IKZF1: variants seen among roughly 807,000 people sequenced by gnomAD.
The protein encoded by IKZF1 is IKAROS family zinc finger 1.
In IKZF1, 10 loss-of-function variants were observed where a neutral mutation model predicts 51.7. The ratio of observed to expected loss-of-function variants is 0.19; its 90% CI spans 0.12 to 0.33. The LOEUF (loss-of-function observed/expected upper bound fraction) is 0.33, where lower values mean the gene tolerates loss of function less well. Ranked by LOEUF, IKZF1 falls within the 10% of genes least tolerant of loss-of-function variation. The pLI is 1.00. For synonymous variants in IKZF1, 280 were observed against 282.3 expected, an observed-to-expected ratio of 0.99 and a Z score of 0.08; for missense variants, 484 against 707.5, an observed-to-expected ratio of 0.68 and a Z score of 3.58.
At position 50,347,958 on chromosome 7, in the gene IKZF1, C is replaced by T. The variant is rs141853522; in HGVS notation, c.160+20201C>T. Among the ~76,000 whole-genome samples, 9 of 152,272 alleles carry T rather than the reference C, an allele frequency of 5.9e-5. No individual in the cohort carries two copies. In the East Asian group the frequency reaches 1.2e-3, roughly 20 times the overall value. On this transcript the variant is annotated intron_variant, in intron 3 of 7. Coordinates refer to ENST00000331340, the MANE Select transcript of IKZF1 (RefSeq NM_006060.6). ...CAGATGGACACCCATCCCATTTCCCCGACTCATACCAGGGAGGCCCACTTT... is the reference window on the plus strand; with the variant it reads ...CAGATGGACACCCATCCCATTTCCCTGACTCATACCAGGGAGGCCCACTTT...
chr7:50,365,398 A>G (rs1457461094), intron 3 of IKZF1, among the ~76,000 whole-genome samples: 4 of 152,258 alleles, frequency 2.6e-5, no homozygotes, highest in Non-Finnish European at 4.4e-5. Flanking sequence ...TGTGAACCAC[A>G]TATTTGGGAC....
rs750934235 is a variant in IKZF1 at position 50,400,410 on chromosome 7, C to T, written c.1343C>T (p.Ala448Val). 3 of 1,613,656 alleles carry T rather than the reference C, an allele frequency of 1.9e-6. No individual in the cohort carries two copies. The highest frequency in any genetic ancestry group is 2.7e-5 in the African/African-American group (2 of 74,944). Residue 448 changes from alanine (A) to valine (V), a missense_variant, in exon 8 of 8, where the codon GCG becomes GTG. Around this residue, in one of 6 missense-constraint regions of IKZF1, gnomAD observed 72 missense variants for 67.5 expected, o/e 1.07. Coordinates refer to ENST00000331340, the MANE Select transcript of IKZF1 (RefSeq NM_006060.6). This position sits in a 1 kb window ranked among gnomAD's most constrained non-coding sequence, Gnocchi z 5.4. ...GCCGCCTCCGAGAACTCGCAGGACG[C>T]GCTCCGCGTGGTCAGCACCAGCGGG... is the stretch of plus-strand genomic sequence containing the variant. ...LRAASENSQD[A>V]LRVVSTSGEQ...
intron 3 of IKZF1, among the ~76,000 whole-genome samples, chr7:50,353,817 A>G (rs1462071735): frequency 2.0e-5 from 3 of 152,206 alleles, no homozygotes; most frequent in African/African-American, 4.8e-5. Context: ...CTCCAGGAGT[A>G]TCACATTTCT....
At chr7:50,308,419 G>C (rs115940177) in intron 1 of IKZF1, among the ~76,000 whole-genome samples, 4 of 152,240 alleles carry the variant, frequency 2.6e-5, no homozygotes, top group Non-Finnish European at 5.9e-5. Flanking sequence ...GTTAAAAATG[G>C]TGCAAACCCT....
In IKZF1 at chr7:50,400,443, T is replaced by A; in HGVS notation, c.1376T>A (p.Met459Lys). 1 of 1,613,814 alleles carries A rather than the reference T, an allele frequency of 6.2e-7. No homozygotes were observed. ...GTGGTCAGCACCAGCGGGGAGCAGA[T>A]GAAGGTGTACAAGTGCGAACACTGC... ...LRVVSTSGEQ[M>K]KVYKCEHCRV... Residue 459 changes from methionine to lysine, a missense_variant, in exon 8 of 8, where the codon ATG becomes AAG. Around this residue, in one of 6 missense-constraint regions of IKZF1, gnomAD observed 72 missense variants for 67.5 expected, o/e 1.07. Coordinates refer to ENST00000331340, the MANE Select transcript of IKZF1 (RefSeq NM_006060.6). The surrounding 1 kb of genome is among the most constrained non-coding windows in gnomAD (Gnocchi z 5.4).
rs1417505767 is a variant in IKZF1 at position 50,400,195 on chromosome 7, C to G, written c.1128C>G (p.Leu376=). ...GCGCCGTGGAGAACCTGCTGCTGCT[C>G]TCCAAGGCCAAGTTGGTGCCCTCGG... ...QDSAVENLLL[L]SKAKLVPSER... is the part of the protein sequence containing the mutation. Residue 376 remains leucine, a synonymous_variant, in exon 8 of 8, where the codon CTC becomes CTG. Transcript: ENST00000331340. The surrounding 1 kb of genome is among the most constrained non-coding windows in gnomAD (Gnocchi z 5.4). 4 of 1,577,530 alleles carry G rather than the reference C, an allele frequency of 2.5e-6. No homozygotes were observed. Among genetic ancestry groups the G allele is most frequent in the Non-Finnish European group, 3.4e-6 (4 of 1,162,956 alleles).
intron 3 of IKZF1, among the ~76,000 whole-genome samples, chr7:50,373,208 G>T (rs551875521): frequency 1.2e-4 from 19 of 152,186 alleles, no homozygotes; most frequent in African/African-American, 4.6e-4. Flanking sequence ...TAGCAGAACC[G>T]GTGTTCCTGA....
intron 3 of IKZF1, among the ~76,000 whole-genome samples, chr7:50,335,115 T>C (rs1797344932): frequency 6.7e-6 from 1 of 148,522 alleles, no homozygotes; most frequent in Non-Finnish European, 1.5e-5. Flanking sequence ...GGTGTGTATA[T>C]GTTTATGGGA....
intron 3 of IKZF1, among the ~76,000 whole-genome samples, chr7:50,367,315 C>T (rs932758776): frequency 1.3e-5 from 2 of 150,468 alleles, no homozygotes; most frequent in African/African-American, 2.4e-5. Context: ...AAAGATTGTG[C>T]GTGTGTGTGT....
At chr7:50,395,768 A>T (rs1249425676) in intron 7 of IKZF1, among the ~76,000 whole-genome samples, 1 of 152,104 alleles carries the variant, frequency 6.6e-6, no homozygotes, top group Non-Finnish European at 1.5e-5. Context: ...GTTTCTATAG[A>T]TGTTCTATTT....
chr7:50,314,352 C>A (rs973533569), intron 1 of IKZF1, among the ~76,000 whole-genome samples: 1 of 152,164 alleles, frequency 6.6e-6, no homozygotes, highest in Non-Finnish European at 1.5e-5. Context: ...CCTCATGATC[C>A]GCCTGCCTCG....
intron 5 of IKZF1, among the ~76,000 whole-genome samples, chr7:50,384,138 G>A (rs1261286007): frequency 6.6e-5 from 10 of 152,238 alleles, no homozygotes; most frequent in Admixed American, 2.6e-4. Flanking sequence ...GCTGGAAGGC[G>A]AGTGTCTGAG....
chr7:50,376,638 G>A lies in IKZF1; in HGVS notation c.266G>A (p.Gly89Glu), dbSNP rs2153469271. 6.2e-7 allele frequency: 1 copy of A among 1,614,028 alleles called. No homozygotes were observed. The highest frequency in any genetic ancestry group is 8.5e-7 in the Non-Finnish European group (1 of 1,179,896). The change falls in exon 4 of 8, where the codon GGA (glycine) becomes GAA (glutamate). Residue 89 changes from glycine (G) to glutamate (E), a missense_variant. By Grantham distance (98) the Gly-to-Glu change is moderately conservative (BLOSUM62 -2). This residue lies in a region of IKZF1 where 118 missense variants were observed against 138.4 expected (regional missense o/e 0.85). Coordinates refer to ENST00000331340, the MANE Select transcript of IKZF1 (RefSeq NM_006060.6). This position sits in a 1 kb window ranked among gnomAD's most constrained non-coding sequence, Gnocchi z 4.5. ...AEDLRMLDAS[G>E]EKMNGSHRDQ... Reference sequence around the variant, plus strand: ...GATTTACGAATGCTTGATGCCTCGGGAGAGAAAATGAATGGCTCCCACAGG... The same window carrying A: ...GATTTACGAATGCTTGATGCCTCGGAAGAGAAAATGAATGGCTCCCACAGG...
At chr7:50,381,594 A>C (rs1811865658) in intron 4 of IKZF1, among the ~76,000 whole-genome samples, 1 of 152,228 alleles carries the variant, frequency 6.6e-6, no homozygotes, top group African/African-American at 2.4e-5. Flanking sequence ...TGCCACACAG[A>C]GGAGAGGGTC....
rs538220432 is a variant in IKZF1 at position 50,383,531 on chromosome 7, C to A, written c.589+824C>A. ...GCCGGCCTGTCATGGATCATGTTTG[C>A]CTACAGTGTGGTCTATACAACATGA... On this transcript the variant is annotated intron_variant, in intron 5 of 7. Coordinates refer to ENST00000331340, the MANE Select transcript of IKZF1 (RefSeq NM_006060.6). Among the ~76,000 whole-genome samples the A allele has an allele frequency of 3.3e-5, 5 of 152,300 alleles. No homozygotes were observed. The South Asian group carries it at 1.0e-3, about 32-fold the overall frequency.
intron 6 of IKZF1, among the ~76,000 whole-genome samples, chr7:50,389,567 G>T (rs1354287307): frequency 6.6e-6 from 1 of 152,206 alleles, no homozygotes; most frequent in Non-Finnish European, 1.5e-5. Context: ...AGCCAGGCTC[G>T]CACTTAATTA....
intron 3 of IKZF1, among the ~76,000 whole-genome samples, chr7:50,361,113 T>A (rs1320451411): frequency 6.6e-6 from 1 of 152,232 alleles, no homozygotes; most frequent in African/African-American, 2.4e-5. Context: ...CCTTCCTATC[T>A]AATCATTGTT....
intron 6 of IKZF1, among the ~76,000 whole-genome samples, chr7:50,391,312 T>G (rs1236476681): frequency 6.6e-6 from 1 of 152,216 alleles, no homozygotes; most frequent in Admixed American, 6.5e-5. Context: ...TGCTGGTCCA[T>G]GAAGTCAGAT....
At chr7:50,324,281 A>G (rs1051445108) in intron 2 of IKZF1, among the ~76,000 whole-genome samples, 3 of 152,218 alleles carry the variant, frequency 2.0e-5, no homozygotes, top group African/African-American at 7.2e-5. Context: ...TGAAAGTCTC[A>G]GCAGCCCGGA....
Sources: gnomAD v4.1 joint callset for allele counts (sites outside exome capture counted in the v4.1 genomes callset) on GRCh38, gnomAD v4.1.1 for gene constraint, gnomAD v4.1.1 regional missense constraint, Gnocchi (gnomAD v3.1) non-coding constraint, MANE v1.5 for transcripts, NCBI Gene and HGNC (gene_info 2026-07-23, HGNC 2026-07-21) for gene names.